TRAF6: variants seen among roughly 807,000 people sequenced by gnomAD.
The protein encoded by TRAF6 is TNF receptor-associated factor 6.
In TRAF6, 10 loss-of-function variants were observed where a neutral mutation model predicts 48.4. That is an observed-to-expected ratio of 0.21 (90% confidence interval 0.13 to 0.35). TRAF6 has a LOEUF of 0.35. Ranked by LOEUF, TRAF6 falls within the 10% of genes least tolerant of loss-of-function variation. The probability of loss-of-function intolerance (pLI) is 1.00; values close to 1 mark genes in which losing one functional copy is unlikely to be tolerated. For synonymous variants in TRAF6, 186 were observed against 219.6 expected, an observed-to-expected ratio of 0.85 and a Z score of 1.35; for missense variants, 397 against 661.0, an observed-to-expected ratio of 0.60 and a Z score of 4.38.
At position 36,507,145 on chromosome 11, in the gene TRAF6, T is replaced by C. The variant is rs112723905; in HGVS notation, c.-23+2903A>G. Among the ~76,000 whole-genome samples the C allele has an allele frequency of 9.3e-3, 1,290 of 138,612 alleles. 40 individuals carry two copies. The highest frequency in any genetic ancestry group is 0.033 in the African/African-American group (1,221 of 37,284). 90.9% of individuals were successfully genotyped at this position (138,612 alleles called of 152,430 possible). A position where few individuals can be genotyped will look rare whatever the true frequency, so the allele number is the denominator to read the frequency against. On this transcript the variant is annotated intron_variant, in intron 1 of 6. Coordinates refer to ENST00000526995, the MANE Select transcript of TRAF6 (RefSeq NM_004620.4). ...TGTATTATACATACATAAATGTATA[T>C]ATGTATATATACATGTATTATACAT...
chr11:36,509,291 C>A (rs1040540935), intron 1 of TRAF6, among the ~76,000 whole-genome samples: 2 of 152,202 alleles, frequency 1.3e-5, no homozygotes, highest in African/African-American at 4.8e-5. Context: ...TGTTCACATT[C>A]AAGACAGTCC....
At chr11:36,509,371 C>A (rs1859866139) in intron 1 of TRAF6, among the ~76,000 whole-genome samples, 1 of 152,004 alleles carries the variant, frequency 6.6e-6, no homozygotes, top group African/African-American at 2.4e-5. Flanking sequence ...CTGGAACAAT[C>A]GCTCGAACTA....
chr11:36,510,025 G>A (rs1859886410), intron 1 of TRAF6, 23 bp downstream of exon 1: 3 of 152,444 alleles, frequency 2.0e-5, no homozygotes, highest in Admixed American at 6.5e-5. Flanking sequence ...GCCGCCAGGA[G>A]GAGGCGCCTG....
At position 36,487,235 on chromosome 11, in the gene TRAF6, C is replaced by G. The variant is rs1397990841; in HGVS notation, c.*2603G>C. Reference sequence around the variant, plus strand: ...GGTTAGTAACATACAACATAAAGCCCAAAGGCTTGTATACCCAACTGAGTG... The same window carrying G: ...GGTTAGTAACATACAACATAAAGCCGAAAGGCTTGTATACCCAACTGAGTG... On this transcript the variant is annotated 3_prime_UTR_variant, in exon 7 of 7. Transcript: ENST00000526995. The G allele has an allele frequency of 6.6e-6, 1 of 152,130 alleles. No homozygotes were observed. Among genetic ancestry groups the G allele is most frequent in the African/African-American group, 2.4e-5 (1 of 41,400 alleles). The allele number at this position is 152,130 out of a possible 1,614,324, so 9.4% of individuals were successfully genotyped here.
intron 6 of TRAF6, among the ~76,000 whole-genome samples, chr11:36,492,114 T>A (rs1418997392): frequency 3.3e-5 from 5 of 152,210 alleles, no homozygotes; most frequent in African/African-American, 1.2e-4. Context: ...CTCCTAGGTC[T>A]ATCTTGACGG....
intron 1 of TRAF6, among the ~76,000 whole-genome samples, chr11:36,506,357 T>G (rs565139545): frequency 1.3e-5 from 2 of 152,146 alleles, no homozygotes; most frequent in Admixed American, 6.5e-5. Flanking sequence ...ACAAGCACAG[T>G]ATATATGCAA....
In TRAF6 at chr11:36,483,858, C is replaced by T. The variant is rs532546844; in HGVS notation, c.*5980G>A. On this transcript the variant is annotated 3_prime_UTR_variant, in exon 7 of 7. Transcript: ENST00000526995. Reference sequence around the variant, plus strand: ...GGCTGGTAAGGAAGTAGTAACAGTGCGGAGGGGGTAAGTATGTCAGTCTGG... The same window carrying T: ...GGCTGGTAAGGAAGTAGTAACAGTGTGGAGGGGGTAAGTATGTCAGTCTGG... Among the ~76,000 whole-genome samples, 5 of 152,096 alleles carry T rather than the reference C, an allele frequency of 3.3e-5. No homozygotes were observed. The highest frequency in any genetic ancestry group is 9.6e-5 in the African/African-American group (4 of 41,496).
chr11:36,488,476 T>C lies in TRAF6; in HGVS notation c.*1362A>G, dbSNP rs5030482. On this transcript the variant is annotated 3_prime_UTR_variant, in exon 7 of 7. Transcript: ENST00000526995. The stretch of plus-strand genomic sequence containing the variant: ...GATTTGGCCTCTCTGGGGGATACAA[T>C]GTCATCTCTCATTACCAGACAACTT... 18,670 of 152,906 alleles carry C rather than the reference T, an allele frequency of 0.12. 1,277 individuals carry two copies. Among genetic ancestry groups the C allele is most frequent in the South Asian group, 0.16 (769 of 4,816 alleles). 9.5% of individuals were successfully genotyped at this position (152,906 alleles called of 1,614,324 possible). A position where few individuals can be genotyped will look rare whatever the true frequency, so the allele number is the denominator to read the frequency against.
Position 36,485,137 on chromosome 11 carries a change from C to T in TRAF6, c.*4701G>A, listed in dbSNP as rs973343041. On this transcript the variant is annotated 3_prime_UTR_variant, in exon 7 of 7. Coordinates refer to ENST00000526995, the MANE Select transcript of TRAF6 (RefSeq NM_004620.4). Reference sequence around the variant, plus strand: ...CATAATATTACTGCAGATTCTAGGTCGTAGATGTTCACTATACAAGTCTTT... The same window carrying T: ...CATAATATTACTGCAGATTCTAGGTTGTAGATGTTCACTATACAAGTCTTT... 3.9e-5 allele frequency among the ~76,000 whole-genome samples: 6 copies of T among 152,002 alleles called. No homozygotes were observed. The highest frequency in any genetic ancestry group is 8.8e-5 in the Non-Finnish European group (6 of 68,018).
rs1590631580 is a variant in TRAF6 at position 36,487,257 on chromosome 11, A to C, written c.*2581T>G. On this transcript the variant is annotated 3_prime_UTR_variant, in exon 7 of 7. Coordinates refer to ENST00000526995, the MANE Select transcript of TRAF6 (RefSeq NM_004620.4). ...GCCCAAAGGCTTGTATACCCAACTG[A>C]GTGAAACTAGCATGTTTAAGAATAG... 1 of 152,256 alleles carries C rather than the reference A, an allele frequency of 6.6e-6. No homozygotes were observed. The highest frequency in any genetic ancestry group is 2.1e-4 in the South Asian group (1 of 4,838). 9.4% of individuals were successfully genotyped at this position (152,256 alleles called of 1,614,324 possible).
Position 36,486,860 on chromosome 11 carries a change from G to A in TRAF6, c.*2978C>T, listed in dbSNP as rs962176531. Among the ~76,000 whole-genome samples, 14 of 151,924 alleles carry A rather than the reference G, an allele frequency of 9.2e-5. No homozygotes were observed. The highest frequency in any genetic ancestry group is 4.2e-4 in the South Asian group (2 of 4,802). On this transcript the variant is annotated 3_prime_UTR_variant, in exon 7 of 7. Transcript: ENST00000526995. ...TCCCAGCACTTTGGGAGGCTGAGGC[G>A]GGCGGATCATCTGAGGTCAGGAGTT...
At position 36,490,440 on chromosome 11, in the gene TRAF6, G is replaced by T; in HGVS notation, c.967C>A (p.Gln323Lys). 1.9e-6 allele frequency: 3 copies of T among 1,613,812 alleles called. No individual in the cohort carries two copies. Among genetic ancestry groups the T allele is most frequent in the Non-Finnish European group, 2.5e-6 (3 of 1,180,044 alleles). ...IRELTAKMET[Q>K]SMYVSELKRT... ...TTGAGCTCACTTACATACATACTCTGAGTTTCCATTTTAGCAGTCAGCTCC... is the reference window on the plus strand; with the variant it reads ...TTGAGCTCACTTACATACATACTCTTAGTTTCCATTTTAGCAGTCAGCTCC... The change falls in exon 7 of 7, where the codon CAG (glutamine) becomes AAG (lysine). Residue 323 changes from glutamine to lysine, a missense_variant. By Grantham distance (53) the Gln-to-Lys change is moderately conservative. Around this residue, in one of 4 missense-constraint regions of TRAF6, gnomAD observed 245 missense variants for 349.1 expected, o/e 0.70. Transcript: ENST00000526995. This position sits in a 1 kb window ranked among gnomAD's most constrained non-coding sequence, Gnocchi z 6.4.
intron 3 of TRAF6, 147 bp from the exon 4 acceptor site, chr11:36,497,413 G>A (rs1859654912): frequency 4.4e-6 from 3 of 678,486 alleles, no homozygotes; most frequent in South Asian, 7.8e-5. Context: ...CAATATGAAC[G>A]TCTTTAGCGA....
chr11:36,493,634 C>A (rs1310185053), intron 5 of TRAF6, among the ~76,000 whole-genome samples: 1 of 148,216 alleles, frequency 6.7e-6, no homozygotes, highest in African/African-American at 2.4e-5. Context: ...GATGAGAGGG[C>A]ACAGTTAAAA....
intron 1 of TRAF6, among the ~76,000 whole-genome samples, chr11:36,509,021 A>G (rs973762473): frequency 4.6e-5 from 7 of 152,320 alleles, no homozygotes; most frequent in African/African-American, 1.7e-4. Flanking sequence ...TAGAGTCACA[A>G]AAGAGGCCAC....
In TRAF6 at chr11:36,489,591, C is replaced by T. The variant is rs572703451; in HGVS notation, c.*247G>A. On this transcript the variant is annotated 3_prime_UTR_variant, in exon 7 of 7. Transcript: ENST00000526995. ...AGAGGTATACTAACTGGCAAAATAG[C>T]TGCTGCAACATGCCACAGGCACTTC... 20 of 511,566 alleles carry T rather than the reference C, an allele frequency of 3.9e-5. No individual in the cohort carries two copies. In the South Asian group the frequency reaches 5.8e-4, roughly 15 times the overall value. 31.7% of individuals were successfully genotyped at this position (511,566 alleles called of 1,614,324 possible). A position where few individuals can be genotyped will look rare whatever the true frequency, so the allele number is the denominator to read the frequency against.
At chr11:36,496,956 CTTCT>C (rs1489682816) in intron 4 of TRAF6, 148 bp downstream of exon 4, 7 of 852,248 alleles carry the variant, frequency 8.2e-6, no homozygotes, top group Non-Finnish European at 1.2e-5. Context: ...CTTATTGAAC[CTTCT>C]TTTTCTTAAA....
In TRAF6 at chr11:36,510,048, C is replaced by G. The variant is rs1236342760; in HGVS notation, c.-23G>C. On this transcript the variant is annotated splice_region_variant and 5_prime_UTR_variant, in exon 1 of 7. Transcript: ENST00000526995. ...GAGGAGGCGCCTGAAGGAGACTCAC[C>G]GTTCTAGTGCGCGGGGAGGCCGAAC... is the stretch of plus-strand genomic sequence containing the variant. 6.6e-6 allele frequency: 1 copy of G among 152,312 alleles called. No individual in the cohort carries two copies. Among genetic ancestry groups the G allele is most frequent in the African/African-American group, 2.4e-5 (1 of 41,442 alleles). The allele number at this position is 152,312 out of a possible 1,614,324, so 9.4% of individuals were successfully genotyped here. A position where few individuals can be genotyped will look rare whatever the true frequency, so the allele number is the denominator to read the frequency against.
chr11:36,497,598 T>A (rs1041063548), intron 3 of TRAF6, among the ~76,000 whole-genome samples: 4 of 152,218 alleles, frequency 2.6e-5, no homozygotes, highest in Non-Finnish European at 5.9e-5. Context: ...GAGCAAGTAG[T>A]ATATCTGCCT....
Sources: gnomAD v4.1 joint callset for allele counts (sites outside exome capture counted in the v4.1 genomes callset) on GRCh38, gnomAD v4.1.1 for gene constraint, gnomAD v4.1.1 regional missense constraint, Gnocchi (gnomAD v3.1) non-coding constraint, MANE v1.5 for transcripts, NCBI Gene and HGNC (gene_info 2026-07-23, HGNC 2026-07-21) for gene names.